AFF4: variants seen among roughly 807,000 people sequenced by gnomAD.
The protein encoded by AFF4 is ALF transcription elongation factor 4.
Under a neutral mutation model 124.8 loss-of-function variants are expected in AFF4, and 13 were observed. That is an observed-to-expected ratio of 0.10 (90% CI 0.07 to 0.17). The LOEUF is 0.17. AFF4 is among the 10% of genes least tolerant of loss of function. The pLI, the probability that AFF4 is intolerant of heterozygous loss-of-function variation, is 1.00. For missense variants in AFF4, 1,092 were observed against 1,403.8 expected, an observed-to-expected ratio of 0.78 and a Z score of 3.55; for synonymous variants, 477 against 496.1, an observed-to-expected ratio of 0.96 and a Z score of 0.51.
intron 5 of AFF4, among the ~76,000 whole-genome samples, chr5:132,909,410 T>C (rs1760742086): frequency 6.6e-6 from 1 of 152,222 alleles, no homozygotes; most frequent in Non-Finnish European, 1.5e-5. Flanking sequence ...CCCCAGGTGC[T>C]GGGATTACAG....
intron 1 of AFF4, among the ~76,000 whole-genome samples, chr5:132,951,782 C>G (rs1455204280): frequency 6.6e-6 from 1 of 151,656 alleles, no homozygotes; most frequent in African/African-American, 2.4e-5. Context: ...CCCACCTCGG[C>G]CTCCCAAAGT....
chr5:132,882,364 TGTA>T (rs1350160552), intron 20 of AFF4, among the ~76,000 whole-genome samples: 2 of 152,220 alleles, frequency 1.3e-5, no homozygotes, highest in Admixed American at 6.5e-5. Context: ...GATTGGCTAA[TGTA>T]GTGTTTCTCT....
intron 6 of AFF4, 38 bp from the exon 7 acceptor site, chr5:132,902,525 G>C (rs778202086): frequency 6.9e-7 from 1 of 1,456,028 alleles, no homozygotes; most frequent in Non-Finnish European, 9.6e-7. Flanking sequence ...CTAAAGGATG[G>C]CTATTTAGAC....
At position 132,899,581 on chromosome 5, in the gene AFF4, A is replaced by T; in HGVS notation, c.1188+6T>A. ...GACTGGCAAAATAATACAATAGTAG[A>T]CACACCTGTTCCCCATCACTGTCTT... On this transcript the variant is annotated splice_donor_region_variant and intron_variant, in intron 8 of 20. Transcript: ENST00000265343. 1 of 1,610,008 alleles carries T rather than the reference A, an allele frequency of 6.2e-7. No individual in the cohort carries two copies. The highest frequency in any genetic ancestry group is 8.5e-7 in the Non-Finnish European group (1 of 1,177,592).
intron 1 of AFF4, among the ~76,000 whole-genome samples, chr5:132,945,735 C>T (rs1004978516): frequency 3.3e-5 from 5 of 151,882 alleles, no homozygotes; most frequent in African/African-American, 7.2e-5. Context: ...CCAGCCTGGG[C>T]GACAGAACAA....
intron 20 of AFF4, among the ~76,000 whole-genome samples, chr5:132,883,009 C>T (rs1356331440): frequency 2.0e-5 from 3 of 152,080 alleles, no homozygotes; most frequent in Non-Finnish European, 4.4e-5. Context: ...TGCCTATTGC[C>T]AAATTTACTG....
intron 1 of AFF4, among the ~76,000 whole-genome samples, chr5:132,956,244 C>T (rs1761956070): frequency 1.3e-5 from 2 of 152,112 alleles, no homozygotes; most frequent in Admixed American, 1.3e-4. Context: ...TCTGCCATCA[C>T]AGCAGCAAAA....
At chr5:132,932,531 A>G (rs1265121909) in intron 3 of AFF4, among the ~76,000 whole-genome samples, 1 of 152,208 alleles carries the variant, frequency 6.6e-6, no homozygotes, top group African/African-American at 2.4e-5. Flanking sequence ...TAAAAATTTA[A>G]TCTTACCTAT....
intron 5 of AFF4, among the ~76,000 whole-genome samples, chr5:132,915,335 T>G (rs1760884751): frequency 6.6e-6 from 1 of 150,942 alleles, no homozygotes. Flanking sequence ...AGCAAGACTG[T>G]CTCAAAAGAA....
intron 7 of AFF4, among the ~76,000 whole-genome samples, chr5:132,900,372 C>T (rs368377942): frequency 6.6e-6 from 1 of 152,154 alleles, no homozygotes; most frequent in East Asian, 1.9e-4. Context: ...GCCAGGCCAA[C>T]AGGGTGAAAC....
intron 5 of AFF4, among the ~76,000 whole-genome samples, chr5:132,908,170 C>T (rs1419100278): frequency 6.6e-6 from 1 of 150,504 alleles, no homozygotes; most frequent in African/African-American, 2.4e-5. Context: ...CCATTTGTAT[C>T]TCCAAAATAT....
At chr5:132,899,437 A>G (rs1254930154) in intron 8 of AFF4, 150 bp downstream of exon 8, 1 of 823,274 alleles carries the variant, frequency 1.2e-6, no homozygotes, top group Non-Finnish European at 1.8e-6. Context: ...TGGAGATTTA[A>G]AAACAGAGAA....
intron 1 of AFF4, among the ~76,000 whole-genome samples, chr5:132,956,685 T>C (rs548861065): frequency 6.8e-4 from 101 of 148,634 alleles, no homozygotes; most frequent in Non-Finnish European, 1.3e-3. Context: ...TTTCCTAAAA[T>C]ATTGACTTGC....
intron 5 of AFF4, among the ~76,000 whole-genome samples, chr5:132,914,211 G>A (rs1038052460): frequency 6.6e-6 from 1 of 151,520 alleles, no homozygotes; most frequent in African/African-American, 2.4e-5. Flanking sequence ...CTGGGCAACG[G>A]AGCAAGACTC....
Position 132,878,573 on chromosome 5 carries a change from G to A in AFF4, c.*2486C>T. 1 of 231,272 alleles carries A rather than the reference G, an allele frequency of 4.3e-6. No individual in the cohort carries two copies. The highest frequency in any genetic ancestry group is 2.2e-5 in the African/African-American group (1 of 45,312). 14.3% of individuals were successfully genotyped at this position (231,272 alleles called of 1,614,324 possible). ...TCTAAGAAGATAGACATGGAGGAAA[G>A]GGAGTAGTATTTCCACACACTATGA... On this transcript the variant is annotated 3_prime_UTR_variant, in exon 21 of 21. Transcript: ENST00000265343.
At position 132,934,397 on chromosome 5, in the gene AFF4, G is replaced by A. The variant is rs1761371522; in HGVS notation, c.668C>T (p.Pro223Leu). 6.2e-7 allele frequency: 1 copy of A among 1,614,162 alleles called. No individual in the cohort carries two copies. Among genetic ancestry groups the A allele is most frequent in the Non-Finnish European group, 8.5e-7 (1 of 1,180,032 alleles). Reference protein sequence around the residue: ...PRDPDANWDSPSRVPFSSGQH... With the variant: ...PRDPDANWDSLSRVPFSSGQH... ...CCCACTTGAAAAAGGTACACGGGAA[G>A]GAGAATCCCAGTTTGCATCAGGGTC... Residue 223 changes from proline (P) to leucine (L), a missense_variant, in exon 3 of 21, where the codon CCT (proline) becomes CTT (leucine). Physicochemically the swap from Pro to Leu is moderately conservative, Grantham distance 98. Coordinates refer to ENST00000265343, the MANE Select transcript of AFF4 (RefSeq NM_014423.4).
Position 132,954,768 on chromosome 5 carries a change from C to T in AFF4, c.-5+8491G>A, listed in dbSNP as rs192428244. On this transcript the variant is annotated intron_variant, in intron 1 of 20. Transcript: ENST00000265343. ...TTCACCGTTTTAGCCAGGATGGTCT[C>T]GATCTCCTGACCTCGTGATCCGCCC... Among the ~76,000 whole-genome samples, 485 of 151,990 alleles carry T rather than the reference C, an allele frequency of 3.2e-3. 14 individuals are homozygous for T. The East Asian group carries it at 0.074, about 23-fold the overall frequency.
At chr5:132,895,468 C>T (rs973169596) in intron 11 of AFF4, among the ~76,000 whole-genome samples, 2 of 152,172 alleles carry the variant, frequency 1.3e-5, no homozygotes, top group Non-Finnish European at 2.9e-5. Context: ...TGTTTGTGTT[C>T]TAAGTTTACT....
At chr5:132,949,720 G>C (rs530001612) in intron 1 of AFF4, among the ~76,000 whole-genome samples, 113 of 151,008 alleles carry the variant, frequency 7.5e-4, no homozygotes, top group Non-Finnish European at 8.9e-4. Context: ...GCGCGCGCCA[G>C]GCGTGAGGGT....
Sources: gnomAD v4.1 joint callset for allele counts (sites outside exome capture counted in the v4.1 genomes callset) on GRCh38, gnomAD v4.1.1 for gene constraint, MANE v1.5 for transcripts, NCBI Gene and HGNC (gene_info 2026-07-23, HGNC 2026-07-21) for gene names.